DCAF8L2: variants seen among roughly 807,000 people sequenced by gnomAD.
The protein encoded by DCAF8L2 is DDB1 and CUL4 associated factor 8 like 2, also known as DDB1- and CUL4-associated factor 8-like protein 2.
For missense variants in DCAF8L2, 430 were observed against 490.7 expected, an observed-to-expected ratio of 0.88 and a Z score of 1.17; for synonymous variants, 200 against 190.9, an observed-to-expected ratio of 1.05 and a Z score of -0.39.
At chrX:27,652,677 A>G (rs1419601926) in intron 2 of DCAF8L2, among the ~76,000 whole-genome samples, 1 of 112,282 alleles carries the variant, frequency 8.9e-6, no homozygotes, top group Non-Finnish European at 1.9e-5. Context: ...AATTCAATCA[A>G]TGAAAACCCA....
intron 2 of DCAF8L2, among the ~76,000 whole-genome samples, chrX:27,667,899 A>T (rs755004675): frequency 1.8e-5 from 2 of 112,293 alleles, no homozygotes; most frequent in South Asian, 7.4e-4. Context: ...CTATAGCATG[A>T]ATTTGATCTC....
chrX:27,694,120 A>G (rs931377722), intron 3 of DCAF8L2, among the ~76,000 whole-genome samples: 1 of 111,860 alleles, frequency 8.9e-6, no homozygotes, highest in Non-Finnish European at 1.9e-5. Flanking sequence ...CAGAAAACCA[A>G]ATACTGCATG....
chrX:27,734,608 T>C (rs1921416527), intron 4 of DCAF8L2, among the ~76,000 whole-genome samples: 1 of 112,137 alleles, frequency 8.9e-6, no homozygotes, highest in African/African-American at 3.2e-5. Context: ...TAATAACATG[T>C]TTGATAAATA....
At chrX:27,546,436 G>T in the DCAF8L2 span, among the ~76,000 whole-genome samples, 1 of 111,788 alleles carries the variant, frequency 8.9e-6, no homozygotes, top group African/African-American at 3.2e-5. Flanking sequence ...CTGGAGAACG[G>T]TGTCCCTCTT....
the DCAF8L2 span, among the ~76,000 whole-genome samples, chrX:27,563,770 G>A: frequency 1.8e-5 from 2 of 112,199 alleles, no homozygotes; most frequent in Admixed American, 1.9e-4. Flanking sequence ...ATATGCTTAT[G>A]TAGAGGTGAA....
chrX:27,726,028 G>C (rs1345699978), intron 4 of DCAF8L2, among the ~76,000 whole-genome samples: 1 of 111,315 alleles, frequency 9.0e-6, no homozygotes, highest in Non-Finnish European at 1.9e-5. Flanking sequence ...AATCTATATA[G>C]CTATACTCTC....
chrX:27,505,731 T>C, the DCAF8L2 span, among the ~76,000 whole-genome samples: 1 of 111,257 alleles, frequency 9.0e-6, no homozygotes, highest in Admixed American at 9.6e-5. Flanking sequence ...CAAAAGACTG[T>C]TCCTTCCATC....
intron 2 of DCAF8L2, among the ~76,000 whole-genome samples, chrX:27,661,882 C>A (rs1249685796): frequency 1.8e-5 from 2 of 111,446 alleles, no homozygotes; most frequent in Non-Finnish European, 3.8e-5. Flanking sequence ...GAGTAAATAA[C>A]CACTTCCTGG....
chrX:27,631,567 T>C, intron 1 of DCAF8L2, among the ~76,000 whole-genome samples: 1 of 112,312 alleles, frequency 8.9e-6, no homozygotes, highest in Non-Finnish European at 1.9e-5. Flanking sequence ...AATTTTCATT[T>C]AAATTTAAAT....
intron 1 of DCAF8L2, among the ~76,000 whole-genome samples, chrX:27,630,477 CA>C (rs1281358220): frequency 9.0e-6 from 1 of 111,071 alleles, no homozygotes; most frequent in African/African-American, 3.3e-5. Flanking sequence ...TCAAACACTT[CA>C]AAAATGCTGA....
chrX:27,618,563 TTG>T (rs1010672150), intron 1 of DCAF8L2, among the ~76,000 whole-genome samples: 2 of 111,770 alleles, frequency 1.8e-5, no homozygotes, highest in Non-Finnish European at 3.8e-5. Context: ...CACATCCCCA[TTG>T]TCATTCATCT....
In DCAF8L2 at chrX:27,679,517, G is replaced by T. The variant is rs140286781; in HGVS notation, c.-143+1605G>T. ...TATTTAAGAGCTTCTGAGTATACCA[G>T]ATTTTATGGCTAGGAGTAATAGATT... On this transcript the variant is annotated intron_variant, in intron 3 of 4. Coordinates refer to ENST00000451261, the MANE Select transcript of DCAF8L2 (RefSeq NM_001353450.2). 1.4e-3 allele frequency among the ~76,000 whole-genome samples: 157 copies of T among 110,961 alleles called. 4 individuals are homozygous for T. The East Asian group carries it at 0.04, about 28-fold the overall frequency.
the DCAF8L2 span, among the ~76,000 whole-genome samples, chrX:27,528,501 T>TATAC: frequency 9.5e-3 from 950 of 100,189 alleles, 9 homozygotes; most frequent in South Asian, 0.03. Flanking sequence ...TATATATATA[T>TATAC]ACACACACAC....
chrX:27,598,824 A>C (rs1390452186), intron 1 of DCAF8L2, among the ~76,000 whole-genome samples: 1 of 110,134 alleles, frequency 9.1e-6, no homozygotes, highest in Non-Finnish European at 1.9e-5. Flanking sequence ...ATTATTAATA[A>C]TTCCTGATTT....
the DCAF8L2 span, among the ~76,000 whole-genome samples, chrX:27,538,002 A>G: frequency 5.2e-4 from 58 of 111,644 alleles, 1 homozygote; most frequent in Non-Finnish European, 3.8e-5. Context: ...TGAACAAATT[A>G]TCTCAGATAA....
chrX:27,688,072 T>C (rs1930576343), intron 3 of DCAF8L2, among the ~76,000 whole-genome samples: 1 of 111,611 alleles, frequency 9.0e-6, no homozygotes, highest in African/African-American at 3.3e-5. Flanking sequence ...ATTATTGTTT[T>C]TGAGTGGAAA....
the DCAF8L2 span, among the ~76,000 whole-genome samples, chrX:27,563,975 A>T: frequency 6.2e-5 from 7 of 112,315 alleles, no homozygotes; most frequent in African/African-American, 2.3e-4. Flanking sequence ...TAAGTAATTT[A>T]CACTGGCTGT....
chrX:27,598,149 A>T (rs1401815859), intron 1 of DCAF8L2, among the ~76,000 whole-genome samples: 1 of 112,616 alleles, frequency 8.9e-6, no homozygotes, highest in Admixed American at 9.4e-5. Context: ...AATTTGAAGG[A>T]TGTAGGAATT....
the DCAF8L2 span, among the ~76,000 whole-genome samples, chrX:27,554,008 C>A: frequency 8.9e-6 from 1 of 111,769 alleles, no homozygotes; most frequent in Non-Finnish European, 1.9e-5. Flanking sequence ...ACATTGGAGT[C>A]AGATGGCTAT....
Sources: gnomAD v4.1 joint callset for allele counts (sites outside exome capture counted in the v4.1 genomes callset) on GRCh38, gnomAD v4.1.1 for gene constraint, MANE v1.5 for transcripts, NCBI Gene and HGNC (gene_info 2026-07-23, HGNC 2026-07-21) for gene names.